The following ZNF177 variants were observed in gnomAD, a reference collection of about 807,000 sequenced individuals.
ZNF177 encodes zinc finger protein 177.
Under a neutral mutation model 19.4 loss-of-function variants are expected in ZNF177, and 17 were observed. The observed-to-expected ratio is 0.87, with a 90% CI of 0.60 to 1.31. The LOEUF (loss-of-function observed/expected upper bound fraction) is 1.31, where lower values mean the gene tolerates loss of function less well. ZNF177 is among the 40% of genes most tolerant of loss of function. The pLI, the probability that ZNF177 is intolerant of heterozygous loss-of-function variation, is 0.00. For synonymous variants in ZNF177, 220 were observed against 188.7 expected, an observed-to-expected ratio of 1.17 and a Z score of -1.36; for missense variants, 633 against 561.8, an observed-to-expected ratio of 1.13 and a Z score of -1.28.
exon 6 of ZNF177, chr19:9,382,152 CTTCT>C: frequency 2.5e-6 from 1 of 398,936 alleles, no homozygotes; most frequent in Non-Finnish European, 4.4e-6. Context: ...CCATTCCTCC[CTTCT>C]TTCTTAAAGT....
exon 6 of ZNF177, chr19:9,381,052 T>G (rs1396406097): frequency 1.2e-6 from 2 of 1,605,406 alleles, no homozygotes; most frequent in Non-Finnish European, 8.5e-7. Flanking sequence ...TGGCAAAATA[T>G]CTCCCCTTAG....
At chr19:9,380,879 A>C in exon 6 of ZNF177, 1 of 1,536,144 alleles carries the variant, frequency 6.5e-7, no homozygotes, top group Non-Finnish European at 8.7e-7. Flanking sequence ...GATTGTAGAA[A>C]AGCTTTCAAT....
intron 4 of ZNF177, 184 bp downstream of exon 6, chr19:9,379,803 TG>T (rs1187473560): frequency 3.0e-6 from 2 of 674,326 alleles, no homozygotes; most frequent in African/African-American, 5.5e-5. Context: ...CCTCTTTAAA[TG>T]TAATGTCTCC....
chr19:9,364,122 C>T (rs377221336), intron 1 of ZNF177, among the ~76,000 whole-genome samples: 1 of 152,156 alleles, frequency 6.6e-6, no homozygotes, highest in Non-Finnish European at 1.5e-5. Context: ...AAGAGAATCC[C>T]ATACTCATCA....
chr19:9,364,272 G>A (rs1299742157), intron 1 of ZNF177, among the ~76,000 whole-genome samples: 1 of 152,184 alleles, frequency 6.6e-6, no homozygotes, highest in Non-Finnish European at 1.5e-5. Context: ...TTTTCCAGCA[G>A]TAAGTCAAGG....
intron 1 of ZNF177, among the ~76,000 whole-genome samples, chr19:9,377,368 T>C (rs1172688359): frequency 6.6e-6 from 1 of 152,150 alleles, no homozygotes; most frequent in East Asian, 1.9e-4. Flanking sequence ...TTCCTTCTAC[T>C]TACTAAAAAA....
rs554346980 is a variant in ZNF177, at chr19:9,367,091, C to T, written c.-305+2143C>T. 3.0e-4 allele frequency among the ~76,000 whole-genome samples: 45 copies of T among 152,258 alleles called. No homozygotes were observed. In the South Asian group the frequency reaches 6.0e-3, roughly 20 times the overall value. On this transcript the variant is annotated intron_variant, in intron 2 of 8. Transcript: ENST00000343499. ...ATCCCAGCACTTTGGGAGGCCCAGG[C>T]GGGCGGATCATGAGGTCAGCAGATC...
At chr19:9,376,601 TA>T (rs1356636463) in intron 1 of ZNF177, among the ~76,000 whole-genome samples, 178 bp downstream of exon 3, 2 of 152,194 alleles carry the variant, frequency 1.3e-5, no homozygotes, top group Admixed American at 6.5e-5. Context: ...CTATGAAGCT[TA>T]AAACATCCTG....
upstream of ZNF177, among the ~76,000 whole-genome samples, chr19:9,374,615 T>C (rs1382851354): frequency 1.3e-5 from 2 of 152,150 alleles, no homozygotes; most frequent in Non-Finnish European, 2.9e-5. Context: ...GTCAGTATTT[T>C]ACTCTTTTTG....
chr19:9,363,875 T>C (rs2067940942), intron 1 of ZNF177, among the ~76,000 whole-genome samples: 1 of 152,192 alleles, frequency 6.6e-6, no homozygotes, highest in Non-Finnish European at 1.5e-5. Context: ...TCCGAAACAT[T>C]AGAAGGAGCA....
At chr19:9,365,359 C>G (rs2067963163) in intron 2 of ZNF177, among the ~76,000 whole-genome samples, 1 of 151,298 alleles carries the variant, frequency 6.6e-6, no homozygotes, top group African/African-American at 2.4e-5. Context: ...GGGGTGGGGG[C>G]TTCTTGTCCT....
chr19:9,369,624 CTTACATT>C (rs1454528797), intron 2 of ZNF177, among the ~76,000 whole-genome samples: 2 of 151,702 alleles, frequency 1.3e-5, no homozygotes, highest in African/African-American at 2.4e-5. Context: ...TTTTTACCAT[CTTACATT>C]TTACATTGTG....
At chr19:9,377,267 A>T (rs2068122507) in intron 1 of ZNF177, among the ~76,000 whole-genome samples, 1 of 152,190 alleles carries the variant, frequency 6.6e-6, no homozygotes, top group African/African-American at 2.4e-5. Flanking sequence ...TGTACAGTAG[A>T]TTATATACAG....
Position 9,370,948 on chromosome 19 carries a change from A to G in ZNF177, c.-304-662A>G, listed in dbSNP as rs2068040145. Among the ~76,000 whole-genome samples the G allele has an allele frequency of 2.0e-5, 3 of 152,202 alleles. No homozygotes were observed. The South Asian group carries it at 6.2e-4, about 31-fold the overall frequency. On this transcript the variant is annotated intron_variant, in intron 2 of 8. Coordinates refer to the ZNF177 transcript ENST00000343499. ...TGCATCATCTAGCGCTGAGCTGTCC[A>G]ATACAGTAGCCACTAGCCTCATGTG...
intron 1 of ZNF177, among the ~76,000 whole-genome samples, chr19:9,377,428 C>T (rs2068125336): frequency 6.6e-6 from 1 of 152,064 alleles, no homozygotes; most frequent in South Asian, 2.1e-4. Flanking sequence ...AGAAGACATT[C>T]TAGAAGTCAT....
upstream of ZNF177, among the ~76,000 whole-genome samples, chr19:9,373,006 C>T (rs1157655770): frequency 6.6e-6 from 1 of 152,200 alleles, no homozygotes; most frequent in Non-Finnish European, 1.5e-5. Context: ...TCCATCCCCT[C>T]ACTTACTTTT....
intron 2 of ZNF177, among the ~76,000 whole-genome samples, chr19:9,369,624 C>T (rs1019710226): frequency 1.4e-4 from 21 of 151,820 alleles, no homozygotes; most frequent in African/African-American, 4.8e-4. Flanking sequence ...TTTTTACCAT[C>T]TTACATTTTA....
chr19:9,364,654 A>C (rs1199450733), intron 1 of ZNF177, among the ~76,000 whole-genome samples: 1 of 152,190 alleles, frequency 6.6e-6, no homozygotes, highest in Non-Finnish European at 1.5e-5. Context: ...ACCTTGTGCG[A>C]GGCAAAACTG....
upstream of ZNF177, among the ~76,000 whole-genome samples, chr19:9,374,604 TGTCA>T (rs2068086658): frequency 6.6e-6 from 1 of 152,130 alleles, no homozygotes; most frequent in African/African-American, 2.4e-5. Flanking sequence ...TTAAATTTAT[TGTCA>T]GTATTTTACT....
Sources: gnomAD v4.1 joint callset for allele counts (sites outside exome capture counted in the v4.1 genomes callset) on GRCh38, gnomAD v4.1.1 for gene constraint, MANE v1.5 for transcripts, NCBI Gene and HGNC (gene_info 2026-07-23, HGNC 2026-07-21) for gene names.